The following ADRA1D variants were observed in gnomAD, a reference collection of about 807,000 sequenced individuals.
ADRA1D encodes adrenoceptor alpha 1D, also known as alpha-1D adrenergic receptor.
ADRA1D carries 22 observed loss-of-function variants against 18.6 expected under a neutral mutation model. The ratio of observed to expected loss-of-function variants is 1.19; its 90% confidence interval spans 0.85 to 1.69. ADRA1D has a LOEUF of 1.69. Ranked by LOEUF, ADRA1D falls within the 40% of genes most tolerant of loss-of-function variation. The pLI is 0.00. For synonymous variants in ADRA1D, 376 were observed against 388.2 expected (o/e 0.97, Z 0.37); for missense variants, 840 against 840.7 (o/e 1.00, Z 0.01).
Position 4,248,980 on chromosome 20 carries a change from C to A in ADRA1D, c.-23G>T. On this transcript the variant is annotated 5_prime_UTR_variant, in exon 1 of 2. Coordinates refer to ENST00000379453, the MANE Select transcript of ADRA1D (RefSeq NM_000678.4). Reference sequence around the variant, plus strand: ...CATCTCAACGCGCGGCCGTCGGTGGCCGGGCCGGGGCACAGAACGAGCGGC... The same window carrying A: ...CATCTCAACGCGCGGCCGTCGGTGGACGGGCCGGGGCACAGAACGAGCGGC... The A allele has an allele frequency of 7.5e-7, 1 of 1,325,898 alleles. No homozygotes were observed. Among genetic ancestry groups the A allele is most frequent in the Non-Finnish European group, 9.7e-7 (1 of 1,027,238 alleles). The allele number at this position is 1,325,898 out of a possible 1,614,324, so 82.1% of individuals were successfully genotyped here. A position where few individuals can be genotyped will look rare whatever the true frequency, so the allele number is the denominator to read the frequency against.
At chr20:4,232,470 G>T (rs2122664370) in intron 1 of ADRA1D, among the ~76,000 whole-genome samples, 1 of 152,312 alleles carries the variant, frequency 6.6e-6, no homozygotes, top group South Asian at 2.1e-4. Context: ...GCGCCTTGCA[G>T]GGCATGCCAC....
chr20:4,225,374 A>G (rs1600845254), intron 1 of ADRA1D, among the ~76,000 whole-genome samples: 1 of 150,772 alleles, frequency 6.6e-6, no homozygotes, highest in South Asian at 2.1e-4. Flanking sequence ...TTTAGGTCCC[A>G]GCACTTAGCA....
chr20:4,242,748 A>G (rs1418354677), intron 1 of ADRA1D, among the ~76,000 whole-genome samples: 1 of 152,056 alleles, frequency 6.6e-6, no homozygotes, highest in Non-Finnish European at 1.5e-5. Flanking sequence ...AGTGGATGGC[A>G]TTTGGAAGGT....
At position 4,248,363 on chromosome 20, in the gene ADRA1D, G is replaced by A. The variant is rs753986566; in HGVS notation, c.595C>T (p.Arg199Cys). ...ATGGCTGGGTACTTGAGTGAGTGGCGCACGCCCACGTACCGGTCCACGGAG... is the reference window on the plus strand; with the variant it reads ...ATGGCTGGGTACTTGAGTGAGTGGCACACGCCCACGTACCGGTCCACGGAG... The part of the protein sequence containing the change: ...TISVDRYVGV[R>C]HSLKYPAIMT... The change falls in exon 1 of 2, where the codon CGC becomes TGC. Residue 199 changes from arginine (R) to cysteine (C), a missense_variant. Transcript: ENST00000379453. The A allele has an allele frequency of 3.1e-6, 5 of 1,606,728 alleles. No homozygotes were observed. In the South Asian group the frequency reaches 4.4e-5, roughly 14 times the overall value.
Position 4,222,021 on chromosome 20 carries a change from G to T in ADRA1D, c.1221C>A (p.Arg407=), listed in dbSNP as rs1980684728. 6.2e-7 allele frequency: 1 copy of T among 1,605,674 alleles called. No individual in the cohort carries two copies. The highest frequency in any genetic ancestry group is 2.3e-5 in the East Asian group (1 of 44,364). ...VNPLIYPCSS[R]EFKRAFLRLL... ...GACGGAGGAAGGCGCGCTTGAACTC[G>T]CGGCTGGAACAGGGGTAGATGAGCG... is the stretch of plus-strand genomic sequence containing the variant. The change falls in exon 2 of 2, where the codon CGC becomes CGA. Residue 407 remains arginine (R), a synonymous_variant. Transcript: ENST00000379453. The surrounding 1 kb of genome is among the most constrained non-coding windows in gnomAD (Gnocchi z 4.3).
At chr20:4,235,738 A>T (rs1363362348) in intron 1 of ADRA1D, among the ~76,000 whole-genome samples, 1 of 152,256 alleles carries the variant, frequency 6.6e-6, no homozygotes, top group Non-Finnish European at 1.5e-5. Context: ...ACTGGCCTCC[A>T]CACTGGCTTT....
rs963767198 is a variant in ADRA1D at position 4,247,947 on chromosome 20, C to G, written c.1011G>C (p.Leu337=). Residue 337 remains leucine (L), a synonymous_variant, in exon 1 of 2, where the codon CTG becomes CTC. Coordinates refer to ENST00000379453, the MANE Select transcript of ADRA1D (RefSeq NM_000678.4). The part of the protein sequence containing the change: ...HTFRSSLSVR[L]LKFSREKKAA... ...CTTTCTTCTCACGGGAGAACTTGAGCAGGCGCACGGAGAGCGAGCTGCGGA... is the reference window on the plus strand; with the variant it reads ...CTTTCTTCTCACGGGAGAACTTGAGGAGGCGCACGGAGAGCGAGCTGCGGA... 1.6e-5 allele frequency: 25 copies of G among 1,599,436 alleles called. No homozygotes were observed. The highest frequency in any genetic ancestry group is 1.9e-5 in the Non-Finnish European group (22 of 1,173,482).
intron 1 of ADRA1D, among the ~76,000 whole-genome samples, chr20:4,227,660 TTCCC>T (rs1568763274): frequency 7.9e-5 from 9 of 113,444 alleles, no homozygotes; most frequent in South Asian, 3.0e-4. Flanking sequence ...CTTTCCTTCC[TTCCC>T]TCCTTCCTTC....
intron 1 of ADRA1D, among the ~76,000 whole-genome samples, chr20:4,242,858 T>TGG (rs1568768517): frequency 6.6e-6 from 1 of 151,004 alleles, no homozygotes; most frequent in East Asian, 2.0e-4. Context: ...GGTGGGGCTG[T>TGG]TGTGTGTGTG....
At chr20:4,247,493 G>A (rs1981361317) in intron 1 of ADRA1D, among the ~76,000 whole-genome samples, 1 of 152,192 alleles carries the variant, frequency 6.6e-6, no homozygotes, top group Non-Finnish European at 1.5e-5. Flanking sequence ...CACCTCCCGG[G>A]AGGGGGATCT....
intron 1 of ADRA1D, among the ~76,000 whole-genome samples, chr20:4,241,123 T>TA (rs1265323164): frequency 6.6e-6 from 1 of 152,166 alleles, no homozygotes; most frequent in African/African-American, 2.4e-5. Flanking sequence ...AGAGGGCTGT[T>TA]ATGCTAAGCG....
At chr20:4,247,321 C>T (rs1184157702) in intron 1 of ADRA1D, among the ~76,000 whole-genome samples, 1 of 152,230 alleles carries the variant, frequency 6.6e-6, no homozygotes, top group African/African-American at 2.4e-5. Context: ...TCGGGGCACT[C>T]AGAAACACCA....
At position 4,221,739 on chromosome 20, in the gene ADRA1D, C is replaced by T. The variant is rs777816046; in HGVS notation, c.1503G>A (p.Gly501=). The part of the protein sequence containing the change: ...PSAFREWRLL[G]PFRRPTTQLR... ...GCTGGGTCGTGGGTCTCCGGAACGG[C>T]CCCAGCAGCCTCCACTCGCGGAAGG... Residue 501 remains glycine (G), a synonymous_variant, in exon 2 of 2, where the codon GGG becomes GGA. Transcript: ENST00000379453. 2 of 1,603,814 alleles carry T rather than the reference C, an allele frequency of 1.2e-6. No homozygotes were observed. The highest frequency in any genetic ancestry group is 1.7e-6 in the Non-Finnish European group (2 of 1,177,440).
At position 4,234,009 on chromosome 20, in the gene ADRA1D, C is replaced by T. The variant is rs926444619; in HGVS notation, c.1112-11879G>A. On this transcript the variant is annotated intron_variant, in intron 1 of 1. Transcript: ENST00000379453. ...TGCCCGTGTCAGGAGTCTAACCTAA[C>T]GTTTGGGGGACTGGGCATCCTCTGG... Among the ~76,000 whole-genome samples, 11 of 152,190 alleles carry T rather than the reference C, an allele frequency of 7.2e-5. 1 individual carries two copies. In the South Asian group the frequency reaches 8.3e-4, roughly 11 times the overall value.
chr20:4,245,340 A>C (rs2122678762), intron 1 of ADRA1D, among the ~76,000 whole-genome samples: 1 of 152,346 alleles, frequency 6.6e-6, no homozygotes, highest in East Asian at 1.9e-4. Flanking sequence ...TCTCAAAGAC[A>C]AACAAAACAG....
In ADRA1D at chr20:4,221,049, A is replaced by G. The variant is rs560798496; in HGVS notation, c.*474T>C. The stretch of plus-strand genomic sequence containing the variant: ...GGTGGTAGGTCCACTGGGTTCCTCC[A>G]GTTGGCAGTAAGAAGGAGAAATTTG... On this transcript the variant is annotated 3_prime_UTR_variant, in exon 2 of 2. Transcript: ENST00000379453. 2 of 153,346 alleles carry G rather than the reference A, an allele frequency of 1.3e-5. No homozygotes were observed. Among genetic ancestry groups the G allele is most frequent in the South Asian group, 2.1e-4 (1 of 4,844 alleles). 9.5% of individuals were successfully genotyped at this position (153,346 alleles called of 1,614,324 possible).
intron 1 of ADRA1D, among the ~76,000 whole-genome samples, chr20:4,237,474 AG>A (rs1981120449): frequency 6.7e-6 from 1 of 150,088 alleles, no homozygotes; most frequent in Admixed American, 6.6e-5. Flanking sequence ...AAAAAAAAAA[AG>A]AAAGAAAAAG....
chr20:4,227,896 T>G (rs1169819906), intron 1 of ADRA1D, among the ~76,000 whole-genome samples: 1 of 151,672 alleles, frequency 6.6e-6, no homozygotes, highest in African/African-American at 2.4e-5. Flanking sequence ...CGTGAGCCAC[T>G]GCTCCTGGCC....
At chr20:4,231,090 T>TCTCTCTCTCTCTCTC (rs1318670027) in intron 1 of ADRA1D, among the ~76,000 whole-genome samples, 1,038 of 66,776 alleles carry the variant, frequency 0.016, 8 homozygotes, top group Middle Eastern at 0.055. Flanking sequence ...CTCTTTTCTT[T>TCTCTCTCTCTCTCTC]TCTTTTCTTT....
Sources: allele counts gnomAD v4.1 joint callset (sites outside exome capture counted in the v4.1 genomes callset), GRCh38; gene constraint gnomAD v4.1.1; non-coding constraint Gnocchi (gnomAD v3.1); transcripts MANE v1.5; gene names NCBI Gene and HGNC (gene_info 2026-07-23, HGNC 2026-07-21).